The following CTBP1 variants were observed in gnomAD, a reference collection of about 807,000 sequenced individuals.
CTBP1 encodes C-terminal binding protein 1, also known as C-terminal-binding protein 1.
CTBP1 carries 11 observed loss-of-function variants against 42.1 expected under a neutral mutation model. The observed-to-expected ratio is 0.26, with a 90% CI of 0.16 to 0.43. The LOEUF is 0.43. CTBP1 is among the 20% of genes least tolerant of loss of function. The pLI, the probability that CTBP1 is intolerant of heterozygous loss-of-function variation, is 1.00. For synonymous variants in CTBP1, 324 were observed against 277.1 expected, an observed-to-expected ratio of 1.17 and a Z score of -1.68; for missense variants, 399 against 624.3, an observed-to-expected ratio of 0.64 and a Z score of 3.85.
chr4:1,240,078 GGACA>G (rs1171105549), intron 2 of CTBP1, among the ~76,000 whole-genome samples: 1 of 152,252 alleles, frequency 6.6e-6, no homozygotes, highest in African/African-American at 2.4e-5. Flanking sequence ...AGGAAGGCAT[GGACA>G]CACGGGATCA....
At chr4:1,242,773 C>CG in intron 1 of CTBP1, 1 of 985,266 alleles carries the variant, frequency 1.0e-6, no homozygotes, top group East Asian at 1.1e-4. Context: ...TGCCAGATCT[C>CG]CCCATGGTAC....
intron 1 of CTBP1, chr4:1,244,448 C>T (rs1732514312): frequency 1.0e-6 from 1 of 984,994 alleles, no homozygotes; most frequent in Non-Finnish European, 1.2e-6. Flanking sequence ...AGCACCTGGT[C>T]CTCATCCCCG....
intron 8 of CTBP1, 69 bp downstream of exon 8, chr4:1,213,409 C>A: frequency 1.3e-6 from 2 of 1,591,792 alleles, no homozygotes; most frequent in East Asian, 2.2e-5. Flanking sequence ...CAGGCGGATG[C>A]GAGCCCATGA....
Position 1,235,461 on chromosome 4 carries a change from G to A in CTBP1, c.162+2722C>T, listed in dbSNP as rs1402265786. On this transcript the variant is annotated intron_variant, in intron 3 of 9. Transcript: ENST00000382952. The surrounding 1 kb of genome is among the most constrained non-coding windows in gnomAD (Gnocchi z 4.2). ...CTCCTGTTCTGAAGTTTCTGCAAGA[G>A]CGACCCTTCCTCATCTCGCCCTCTC... The A allele has an allele frequency of 2.6e-5, 4 of 152,214 alleles. No individual in the cohort carries two copies. In the East Asian group the frequency reaches 7.7e-4, roughly 29 times the overall value. 9.4% of individuals were successfully genotyped at this position (152,214 alleles called of 1,614,324 possible).
At chr4:1,229,332 G>A (rs1730721918) in intron 3 of CTBP1, among the ~76,000 whole-genome samples, 2 of 152,246 alleles carry the variant, frequency 1.3e-5, no homozygotes, top group Non-Finnish European at 2.9e-5. Context: ...CCACACTCCC[G>A]TGCATGACAA....
In CTBP1 at chr4:1,249,121, C is replaced by T. The variant is rs577500903; in HGVS notation, c.-394G>A. The T allele has an allele frequency of 1.6e-4, 27 of 170,304 alleles. No homozygotes were observed. In the South Asian group the frequency reaches 4.2e-3, roughly 26 times the overall value. The allele number at this position is 170,304 out of a possible 1,614,324, so 10.5% of individuals were successfully genotyped here. On this transcript the variant is annotated 5_prime_UTR_variant, in exon 1 of 10. Coordinates refer to ENST00000382952, the MANE Select transcript of CTBP1 (RefSeq NM_001012614.2). ...GCGCCGCTGAGCCGCGCTCCGACGACCGCGCGGGCGGGGACACGGCGGCGC... is the reference window on the plus strand; with the variant it reads ...GCGCCGCTGAGCCGCGCTCCGACGATCGCGCGGGCGGGGACACGGCGGCGC...
intron 3 of CTBP1, among the ~76,000 whole-genome samples, chr4:1,232,250 G>A (rs1731038959): frequency 6.6e-6 from 1 of 152,126 alleles, no homozygotes; most frequent in South Asian, 2.1e-4. Flanking sequence ...CACACAAATT[G>A]AAAATACCCA....
intron 5 of CTBP1, chr4:1,216,490 C>T: frequency 1.8e-6 from 1 of 568,296 alleles, no homozygotes; most frequent in Non-Finnish European, 3.2e-6. Context: ...GCAGCCTGTC[C>T]ACAGGACGTG....
intron 1 of CTBP1, 54 bp downstream of exon 1, chr4:1,248,862 C>T: frequency 1.1e-6 from 1 of 880,502 alleles, no homozygotes; most frequent in Non-Finnish European, 1.4e-6. Context: ...CGCGCGGCAC[C>T]CGCCCCGCCC....
intron 1 of CTBP1, chr4:1,243,853 G>A (rs796356971): frequency 1.3e-5 from 13 of 985,444 alleles, no homozygotes; most frequent in South Asian, 9.4e-5. Context: ...AGCCGCACAC[G>A]GCTCTCAGCC....
In CTBP1 at chr4:1,233,311, C is replaced by G. The variant is rs1731155619; in HGVS notation, c.162+4872G>C. 6.6e-6 allele frequency: 1 copy of G among 152,370 alleles called. No individual in the cohort carries two copies. The highest frequency in any genetic ancestry group is 2.1e-4 in the South Asian group (1 of 4,834). 9.4% of individuals were successfully genotyped at this position (152,370 alleles called of 1,614,324 possible). ...CTGCTTGTGTGTTTTTCCGGGATTT[C>G]TAATCACTTCGTTTCCTGCACAGCC... is the stretch of plus-strand genomic sequence containing the variant. On this transcript the variant is annotated intron_variant, in intron 3 of 9. Transcript: ENST00000382952. The surrounding 1 kb of genome is among the most constrained non-coding windows in gnomAD (Gnocchi z 4.6).
chr4:1,231,290 C>T (rs1402680428), intron 3 of CTBP1: 2 of 152,296 alleles, frequency 1.3e-5, no homozygotes, highest in African/African-American at 4.8e-5. Context: ...GCATTGGTCT[C>T]CCACGGAGAA....
chr4:1,223,826 C>T (rs77229204), intron 5 of CTBP1, among the ~76,000 whole-genome samples: 3 of 152,346 alleles, frequency 2.0e-5, no homozygotes, highest in South Asian at 2.1e-4. Flanking sequence ...CACACACACA[C>T]GTGCACAAAC....
At chr4:1,242,241 T>C (rs1732252585) in intron 1 of CTBP1, 1 of 985,028 alleles carries the variant, frequency 1.0e-6, no homozygotes, top group Non-Finnish European at 1.2e-6. Flanking sequence ...GGCTTGAGAG[T>C]GCACACGATC....
At chr4:1,250,249 A>G (rs4974541), upstream of CTBP1, 84,614 of 200,290 alleles carry the variant, frequency 0.42, 18,622 homozygotes, top group South Asian at 0.48. Flanking sequence ...GAAGACCTCC[A>G]ACCCCGCTGA....
Position 1,213,043 on chromosome 4 carries a change from G to A in CTBP1, c.989-13C>T, listed in dbSNP as rs913986055. 2 of 1,612,236 alleles carry A rather than the reference G, an allele frequency of 1.2e-6. No individual in the cohort carries two copies. The highest frequency in any genetic ancestry group is 1.7e-6 in the Non-Finnish European group (2 of 1,178,792). On this transcript the variant is annotated splice_polypyrimidine_tract_variant and intron_variant, in intron 8 of 9. Coordinates refer to ENST00000382952, the MANE Select transcript of CTBP1 (RefSeq NM_001012614.2). ...TCTGGGATCCGGCCTGGGAGATGCA[G>A]GAGGAAGGAACAGCTGTGGCTCTGA... is the stretch of plus-strand genomic sequence containing the variant.
At chr4:1,228,123 G>A (rs1218857319) in intron 4 of CTBP1, 76 bp downstream of exon 4, 1 of 1,567,458 alleles carries the variant, frequency 6.4e-7, no homozygotes, top group African/African-American at 1.4e-5. Context: ...GTGTGGCAGT[G>A]AAGCCTCCAT....
chr4:1,244,722 C>T lies in CTBP1; in HGVS notation c.-188-3203G>A, dbSNP rs1424507368. ...CTCACCCTGCCCTGTCCCCATAAGC[C>T]CTGATTACTCCGGGCTCGAGTGGCC... On this transcript the variant is annotated intron_variant, in intron 1 of 9. Transcript: ENST00000382952. 4.1e-6 allele frequency: 4 copies of T among 985,166 alleles called. No homozygotes were observed. In the East Asian group the frequency reaches 4.5e-4, roughly 112 times the overall value. The allele number at this position is 985,166 out of a possible 1,614,324, so 61.0% of individuals were successfully genotyped here. A position where few individuals can be genotyped will look rare whatever the true frequency, so the allele number is the denominator to read the frequency against.
chr4:1,231,478 G>A (rs1427109489), intron 3 of CTBP1, among the ~76,000 whole-genome samples: 1 of 152,116 alleles, frequency 6.6e-6, no homozygotes, highest in East Asian at 1.9e-4. Context: ...AAAGCTGGGT[G>A]CCCAGGAAGC....
Sources: gnomAD v4.1 joint callset for allele counts (sites outside exome capture counted in the v4.1 genomes callset) on GRCh38, gnomAD v4.1.1 for gene constraint, Gnocchi (gnomAD v3.1) non-coding constraint, MANE v1.5 for transcripts, NCBI Gene and HGNC (gene_info 2026-07-23, HGNC 2026-07-21) for gene names.